Variants in CNTNAP5 observed in about 807,000 individuals in gnomAD.
The protein encoded by CNTNAP5 is contactin-associated protein-like 5.
CNTNAP5 carries 72 observed loss-of-function variants against 150.2 expected under a neutral mutation model. The observed-to-expected ratio is 0.48, with a 90% CI of 0.40 to 0.58. The LOEUF (loss-of-function observed/expected upper bound fraction) is 0.58, where lower values mean the gene tolerates loss of function less well. CNTNAP5 is among the 20% of genes least tolerant of loss of function. The pLI is 0.00. For synonymous variants in CNTNAP5, 672 were observed against 619.8 expected (o/e 1.08, Z -1.25); for missense variants, 1,636 against 1,626.2 (o/e 1.01, Z -0.10).
chr2:124,046,892 G>A (rs1172453467), intron 1 of CNTNAP5, among the ~76,000 whole-genome samples: 1 of 152,118 alleles, frequency 6.6e-6, no homozygotes, highest in Non-Finnish European at 1.5e-5. Flanking sequence ...GTAGCCTTGG[G>A]CACACATTTT....
chr2:124,857,452 G>A (rs1201008659), intron 19 of CNTNAP5, among the ~76,000 whole-genome samples: 1 of 152,008 alleles, frequency 6.6e-6, no homozygotes, highest in Non-Finnish European at 1.5e-5. Flanking sequence ...CCAGTGCAGA[G>A]ACTGCTCAAC....
At chr2:124,657,010 G>A (rs935586779) in intron 13 of CNTNAP5, among the ~76,000 whole-genome samples, 8 of 152,184 alleles carry the variant, frequency 5.3e-5, no homozygotes, top group Non-Finnish European at 1.2e-4. Flanking sequence ...GCCATGTCTG[G>A]CACAGAGTAG....
chr2:124,504,703 ATTTTTTTTTTT>A, intron 8 of CNTNAP5, 147 bp downstream of exon 8: 1 of 370,428 alleles, frequency 2.7e-6, no homozygotes, highest in South Asian at 3.5e-5. Flanking sequence ...AAGAGGCAGC[ATTTTTTTTTTT>A]TTTTTTTTTT....
intron 1 of CNTNAP5, among the ~76,000 whole-genome samples, chr2:124,041,935 C>T (rs947970300): frequency 6.6e-6 from 1 of 152,160 alleles, no homozygotes; most frequent in Non-Finnish European, 1.5e-5. Flanking sequence ...CATCTCACCT[C>T]ACTGCAACCA....
At chr2:124,520,356 A>G (rs796457211) in intron 8 of CNTNAP5, among the ~76,000 whole-genome samples, 5 of 152,302 alleles carry the variant, frequency 3.3e-5, no homozygotes, top group African/African-American at 1.2e-4. Context: ...CTCTGTTACT[A>G]TTTTAGAAAT....
At chr2:124,571,046 G>A (rs996471093) in intron 11 of CNTNAP5, among the ~76,000 whole-genome samples, 2 of 152,168 alleles carry the variant, frequency 1.3e-5, no homozygotes, top group Non-Finnish European at 2.9e-5. Context: ...GTATTATGAG[G>A]ACTGAGTAAA....
At chr2:124,746,749 TA>T (rs556605890) in intron 13 of CNTNAP5, among the ~76,000 whole-genome samples, 1 of 152,154 alleles carries the variant, frequency 6.6e-6, no homozygotes, top group Non-Finnish European at 1.5e-5. Context: ...TTCTCTTTGG[TA>T]GTTTTAAAAG....
At chr2:124,713,319 CTTTCTTTCTTTCTTTCTTTCTT>C (rs1679869636) in intron 13 of CNTNAP5, among the ~76,000 whole-genome samples, 1 of 5,484 alleles carries the variant, frequency 1.8e-4, no homozygotes, top group Non-Finnish European at 4.4e-4. Context: ...TCTTTCTTTC[CTTTCTTTCTTTCTTTCTTTCTT>C]TCTTTCTTTC....
chr2:124,041,956 G>T (rs2104632368), intron 1 of CNTNAP5, among the ~76,000 whole-genome samples: 1 of 152,150 alleles, frequency 6.6e-6, no homozygotes. Flanking sequence ...CCATCTCCTG[G>T]GTTCAAGTGA....
intron 22 of CNTNAP5, among the ~76,000 whole-genome samples, chr2:124,903,769 T>C (rs371288665): frequency 2.6e-4 from 39 of 152,090 alleles, no homozygotes; most frequent in African/African-American, 9.2e-4. Flanking sequence ...TCACCAAAAT[T>C]TGGGCCAGGT....
At chr2:124,474,055 C>G (rs1377021116) in intron 6 of CNTNAP5, among the ~76,000 whole-genome samples, 4 of 152,004 alleles carry the variant, frequency 2.6e-5, no homozygotes, top group Non-Finnish European at 5.9e-5. Context: ...TCCTCCCAGA[C>G]TATGCTTTAT....
At chr2:124,088,104 G>A (rs1197932019) in intron 1 of CNTNAP5, among the ~76,000 whole-genome samples, 1 of 152,128 alleles carries the variant, frequency 6.6e-6, no homozygotes, top group African/African-American at 2.4e-5. Flanking sequence ...CCCAGTCACT[G>A]AAGTTCTATT....
intron 2 of CNTNAP5, among the ~76,000 whole-genome samples, chr2:124,234,067 A>C (rs1686688298): frequency 6.6e-6 from 1 of 152,140 alleles, no homozygotes; most frequent in Admixed American, 6.6e-5. Context: ...GTTTCAAATC[A>C]CTTCCAATTC....
chr2:124,647,868 G>A lies in CNTNAP5; in HGVS notation c.1987G>A (p.Glu663Lys). ...GGCCTTGGACTACGGGGGCAGCATG[G>A]AACAGCTGGAGGCCGTGATCGACGG... ...AMALDYGGSM[E>K]QLEAVIDGSE... The change falls in exon 13 of 24, where the codon GAA (glutamate) becomes AAA (lysine). Residue 663 changes from glutamate to lysine, a missense_variant. Transcript: ENST00000682447. The A allele has an allele frequency of 6.2e-7, 1 of 1,613,316 alleles. No individual in the cohort carries two copies. Among genetic ancestry groups the A allele is most frequent in the Admixed American group, 1.7e-5 (1 of 59,946 alleles).
intron 7 of CNTNAP5, among the ~76,000 whole-genome samples, chr2:124,479,181 A>G (rs1693710398): frequency 6.6e-6 from 1 of 152,250 alleles, no homozygotes; most frequent in Non-Finnish European, 1.5e-5. Flanking sequence ...ATAAACAATC[A>G]GAAAGCAAAT....
chr2:124,435,922 G>T (rs1692520646), intron 5 of CNTNAP5, among the ~76,000 whole-genome samples: 1 of 152,218 alleles, frequency 6.6e-6, no homozygotes, highest in African/African-American at 2.4e-5. Flanking sequence ...ACCTTTAAAA[G>T]TAGAATATCA....
intron 4 of CNTNAP5, among the ~76,000 whole-genome samples, chr2:124,423,006 G>T (rs1227384262): frequency 6.6e-6 from 1 of 152,144 alleles, no homozygotes; most frequent in African/African-American, 2.4e-5. Flanking sequence ...CCGTGTCTGT[G>T]ATTGCTAATC....
chr2:124,906,444 G>A (rs2602647), intron 22 of CNTNAP5, among the ~76,000 whole-genome samples: 73,455 of 151,876 alleles, frequency 0.48, 18,259 homozygotes, highest in African/African-American at 0.54. Context: ...AAGAACAATA[G>A]TGGTAGGTGT....
rs148117337 is a variant in CNTNAP5, at chr2:124,130,154, G to A, written c.83-91551G>A. On this transcript the variant is annotated intron_variant, in intron 1 of 23. Coordinates refer to ENST00000682447, the MANE Select transcript of CNTNAP5 (RefSeq NM_001367498.1). ...GAAAATTACAAATTGCAAATATATT[G>A]TCAGGGCCTGCAACTGGTCATATTT... Among the ~76,000 whole-genome samples, 26 of 152,236 alleles carry A rather than the reference G, an allele frequency of 1.7e-4. No homozygotes were observed. In the East Asian group the frequency reaches 5.0e-3, roughly 29 times the overall value.
Sources: gnomAD v4.1 joint callset for allele counts (sites outside exome capture counted in the v4.1 genomes callset) on GRCh38, gnomAD v4.1.1 for gene constraint, MANE v1.5 for transcripts, NCBI Gene and HGNC (gene_info 2026-07-23, HGNC 2026-07-21) for gene names.